SLC35F3: variants seen among roughly 807,000 people sequenced by gnomAD.
SLC35F3 encodes solute carrier family 35 member F3.
SLC35F3 carries 25 observed loss-of-function variants against 49.9 expected under a neutral mutation model. That is an observed-to-expected ratio of 0.50 (90% CI 0.37 to 0.70). SLC35F3 has a LOEUF of 0.70. SLC35F3 is among the 30% of genes least tolerant of loss of function. SLC35F3 has a pLI of 0.00. For synonymous variants in SLC35F3, 275 were observed against 265.4 expected (o/e 1.04, Z -0.35); for missense variants, 525 against 639.8 (o/e 0.82, Z 1.94).
At chr1:234,286,190 T>A (rs753371264) in intron 3 of SLC35F3, among the ~76,000 whole-genome samples, 1 of 152,164 alleles carries the variant, frequency 6.6e-6, no homozygotes, top group African/African-American at 2.4e-5. Context: ...AGAGGAAAAT[T>A]AACTTTCTCA....
intron 2 of SLC35F3, among the ~76,000 whole-genome samples, chr1:234,226,947 G>A (rs986383076): frequency 9.5e-5 from 13 of 136,718 alleles, no homozygotes; most frequent in Admixed American, 1.6e-4. Context: ...CTGCACTGGC[G>A]TGCGCGCACG....
intron 2 of SLC35F3, among the ~76,000 whole-genome samples, chr1:234,143,223 T>C (rs1359086876): frequency 6.6e-6 from 1 of 151,988 alleles, no homozygotes; most frequent in Non-Finnish European, 1.5e-5. Flanking sequence ...CTACTCTCCC[T>C]GACTCTACCT....
At chr1:234,017,001 A>G (rs1663810720) in intron 2 of SLC35F3, among the ~76,000 whole-genome samples, 1 of 152,184 alleles carries the variant, frequency 6.6e-6, no homozygotes, top group Admixed American at 6.5e-5. Context: ...TGGGCAATTC[A>G]TTTAACCCCA....
intron 2 of SLC35F3, among the ~76,000 whole-genome samples, chr1:233,986,842 C>G (rs148387563): frequency 1.9e-4 from 29 of 152,306 alleles, no homozygotes; most frequent in Middle Eastern, 3.4e-3. Flanking sequence ...TTGATTACGT[C>G]CCAGGCTTTC....
At chr1:234,316,517 G>A (rs745858) in intron 4 of SLC35F3, 85 bp from the exon 5 acceptor site, 96,020 of 1,507,182 alleles carry the variant, frequency 0.064, 3,610 homozygotes, top group African/African-American at 0.15. Context: ...TGAACCCCAC[G>A]CACATTTCCA....
At chr1:234,075,881 C>G (rs10797525) in intron 2 of SLC35F3, among the ~76,000 whole-genome samples, 22,039 of 152,110 alleles carry the variant, frequency 0.14, 2,416 homozygotes, top group East Asian at 0.47. Context: ...TGACTATTCC[C>G]CTACCTGCTC....
In SLC35F3 at chr1:234,231,452, G is replaced by A; in HGVS notation, c.319G>A (p.Glu107Lys). The A allele has an allele frequency of 6.2e-7, 1 of 1,607,386 alleles. No homozygotes were observed. The highest frequency in any genetic ancestry group is 8.5e-7 in the Non-Finnish European group (1 of 1,176,682). Residue 107 changes from glutamate to lysine, a missense_variant, in exon 3 of 8, where the codon GAG becomes AAG. Transcript: ENST00000366618. This position sits in a 1 kb window ranked among gnomAD's most constrained non-coding sequence, Gnocchi z 5.4. ...ERPRDSPGPA[E>K]AQAPAGVEAG... The stretch of plus-strand genomic sequence containing the variant: ...CCCCCGGGACTCCCCGGGCCCGGCG[G>A]AGGCCCAGGCACCGGCCGGGGTGGA...
At position 234,309,339 on chromosome 1, in the gene SLC35F3, G is replaced by A. The variant is rs371662580; in HGVS notation, c.828+19G>A. The A allele has an allele frequency of 3.2e-5, 52 of 1,609,522 alleles. No individual in the cohort carries two copies. The highest frequency in any genetic ancestry group is 4.3e-5 in the Non-Finnish European group (50 of 1,176,424). On this transcript the variant is annotated intron_variant, in intron 4 of 7. Transcript: ENST00000366618. The stretch of plus-strand genomic sequence containing the variant: ...AGTGAGGGTAAGTTCCTTATTATCT[G>A]TCTTCCTCCCTCACTCAGTCATGTC...
At chr1:234,076,817 G>A (rs1431207678) in intron 2 of SLC35F3, among the ~76,000 whole-genome samples, 5 of 152,034 alleles carry the variant, frequency 3.3e-5, no homozygotes, top group African/African-American at 4.8e-5. Flanking sequence ...CTCTTCTGTC[G>A]ATAAAGTGTG....
At chr1:234,017,823 A>AAAT (rs1277925116) in intron 2 of SLC35F3, among the ~76,000 whole-genome samples, 1 of 151,896 alleles carries the variant, frequency 6.6e-6, no homozygotes, top group Non-Finnish European at 1.5e-5. Flanking sequence ...TGCACCAAGC[A>AAAT]AATATATGGT....
intron 2 of SLC35F3, among the ~76,000 whole-genome samples, chr1:234,176,631 G>A (rs949286751): frequency 2.6e-5 from 4 of 152,084 alleles, no homozygotes; most frequent in African/African-American, 7.2e-5. Context: ...GCCAAGGTGG[G>A]CTGACAGGGA....
chr1:234,237,133 C>G (rs1228299508), intron 3 of SLC35F3, among the ~76,000 whole-genome samples: 1 of 151,094 alleles, frequency 6.6e-6, no homozygotes. Context: ...AGTGGAGCCT[C>G]CAGAAGTTTT....
At chr1:234,050,342 A>C (rs1236682903) in intron 2 of SLC35F3, among the ~76,000 whole-genome samples, 4 of 152,192 alleles carry the variant, frequency 2.6e-5, no homozygotes, top group Non-Finnish European at 4.4e-5. Flanking sequence ...AACTGGTGTG[A>C]GATGGTATCT....
At chr1:234,092,951 T>G (rs1207423448) in intron 2 of SLC35F3, among the ~76,000 whole-genome samples, 1 of 152,240 alleles carries the variant, frequency 6.6e-6, no homozygotes, top group Non-Finnish European at 1.5e-5. Context: ...TCCAGTCGGC[T>G]GAGTCTCCAC....
chr1:233,948,455 G>A (rs891002338), intron 2 of SLC35F3, among the ~76,000 whole-genome samples: 1 of 151,930 alleles, frequency 6.6e-6, no homozygotes, highest in Non-Finnish European at 1.5e-5. Flanking sequence ...GTTCAAGTGG[G>A]TACCACAACA....
chr1:234,229,928 C>T (rs1667340133), intron 2 of SLC35F3, among the ~76,000 whole-genome samples: 1 of 152,218 alleles, frequency 6.6e-6, no homozygotes, highest in African/African-American at 2.4e-5. Context: ...GGCTGGAAAT[C>T]AATCTTCCTT....
At chr1:234,099,618 A>AAC (rs1665184693) in intron 2 of SLC35F3, among the ~76,000 whole-genome samples, 1 of 150,364 alleles carries the variant, frequency 6.7e-6, no homozygotes, top group Non-Finnish European at 1.5e-5. Context: ...AAAAAAAAAA[A>AAC]AAAAAAAAAC....
At chr1:234,188,705 T>G (rs1331163930) in intron 2 of SLC35F3, among the ~76,000 whole-genome samples, 3 of 151,896 alleles carry the variant, frequency 2.0e-5, no homozygotes, top group Non-Finnish European at 2.9e-5. Flanking sequence ...CAGCTGATGC[T>G]CTCTCGAAAG....
Position 234,114,750 on chromosome 1 carries a change from A to C in SLC35F3, c.284-116667A>C, listed in dbSNP as rs1003874948. ...TTGGACATTTGGGGAAGAGTTGGAA[A>C]GAGGCGTTTTTCATTGTGCAGACAC... is the stretch of plus-strand genomic sequence containing the variant. On this transcript the variant is annotated intron_variant, in intron 2 of 7. Transcript: ENST00000366618. Among the ~76,000 whole-genome samples, 8 of 152,240 alleles carry C rather than the reference A, an allele frequency of 5.3e-5. 1 individual carries two copies. The East Asian group carries it at 1.2e-3, about 22-fold the overall frequency.
Sources: allele counts gnomAD v4.1 joint callset (sites outside exome capture counted in the v4.1 genomes callset), GRCh38; gene constraint gnomAD v4.1.1; non-coding constraint Gnocchi (gnomAD v3.1); transcripts MANE v1.5; gene names NCBI Gene and HGNC (gene_info 2026-07-23, HGNC 2026-07-21).